Variants in IGF1R observed in about 807,000 individuals in gnomAD.
IGF1R encodes insulin-like growth factor 1 receptor.
IGF1R carries 44 observed loss-of-function variants against 144.6 expected under a neutral mutation model. The observed-to-expected ratio is 0.30, with a 90% CI of 0.24 to 0.39. IGF1R has a LOEUF of 0.39. IGF1R is among the 10% of genes least tolerant of loss of function. The pLI is 1.00. For missense variants in IGF1R, 1,355 were observed against 1,833.7 expected, an observed-to-expected ratio of 0.74 and a Z score of 4.77; for synonymous variants, 795 against 722.8, an observed-to-expected ratio of 1.10 and a Z score of -1.60.
chr15:98,895,238 AC>A (rs1443848772), intron 3 of IGF1R, among the ~76,000 whole-genome samples: 68 of 63,982 alleles, frequency 1.1e-3, no homozygotes, highest in African/African-American at 2.0e-3. Flanking sequence ...ACACACACAC[AC>A]ACACACACAC....
chr15:98,675,901 A>G (rs1364849091), intron 1 of IGF1R, among the ~76,000 whole-genome samples: 1 of 144,960 alleles, frequency 6.9e-6, no homozygotes, highest in Non-Finnish European at 1.5e-5. Context: ...TCTCTGTTCA[A>G]AGCAGCCTCC....
intron 2 of IGF1R, among the ~76,000 whole-genome samples, chr15:98,846,232 C>G (rs1359687007): frequency 6.6e-6 from 1 of 152,184 alleles, no homozygotes. Flanking sequence ...CCTACATAAG[C>G]TGACAATGCA....
chr15:98,691,139 CTT>C (rs1284074931), intron 1 of IGF1R, among the ~76,000 whole-genome samples: 3 of 152,060 alleles, frequency 2.0e-5, no homozygotes, highest in African/African-American at 7.2e-5. Context: ...AAACTCAAGA[CTT>C]TTTTTGGATT....
chr15:98,745,130 A>G (rs1322418025), intron 2 of IGF1R, among the ~76,000 whole-genome samples: 1 of 152,196 alleles, frequency 6.6e-6, no homozygotes, highest in Non-Finnish European at 1.5e-5. Flanking sequence ...AGTATTAGCT[A>G]ATATAGGGAG....
chr15:98,687,518 T>G (rs2053359764), intron 1 of IGF1R, among the ~76,000 whole-genome samples: 1 of 152,186 alleles, frequency 6.6e-6, no homozygotes, highest in Non-Finnish European at 1.5e-5. Flanking sequence ...GGAGGTTGGA[T>G]TTTTCTCTGG....
At position 98,797,388 on chromosome 15, in the gene IGF1R, C is replaced by T. The variant is rs138457455; in HGVS notation, c.640+89281C>T. Among the ~76,000 whole-genome samples, 16 of 152,296 alleles carry T rather than the reference C, an allele frequency of 1.1e-4. No individual in the cohort carries two copies. The East Asian group carries it at 2.7e-3, about 26-fold the overall frequency. ...CCGGGTGTTTGGACAGTGAGCATGG[C>T]GAGTGGACCGTTACCTGTGCATAGA... On this transcript the variant is annotated intron_variant, in intron 2 of 20. Transcript: ENST00000650285.
At position 98,916,450 on chromosome 15, in the gene IGF1R, C is replaced by T. The variant is rs562672192; in HGVS notation, c.1997-222C>T. 23 of 586,292 alleles carry T rather than the reference C, an allele frequency of 3.9e-5. No homozygotes were observed. In the Middle Eastern group the frequency reaches 2.3e-3, roughly 58 times the overall value. The allele number at this position is 586,292 out of a possible 1,614,324, so 36.3% of individuals were successfully genotyped here. A position where few individuals can be genotyped will look rare whatever the true frequency, so the allele number is the denominator to read the frequency against. On this transcript the variant is annotated intron_variant, in intron 9 of 20. Transcript: ENST00000650285. ...CTAATTTTTGTATTTTTAGTAGAGACGGGGTTTCACCATGTTGCCCAGGCT... is the reference window on the plus strand; with the variant it reads ...CTAATTTTTGTATTTTTAGTAGAGATGGGGTTTCACCATGTTGCCCAGGCT...
At chr15:98,900,501 A>G (rs145100626) in intron 5 of IGF1R, 1 of 152,394 alleles carries the variant, frequency 6.6e-6, no homozygotes, top group East Asian at 1.9e-4. Context: ...AAGTTACTGC[A>G]TAAGGGTTTC....
intron 2 of IGF1R, among the ~76,000 whole-genome samples, chr15:98,789,659 T>C (rs2056085302): frequency 1.3e-5 from 2 of 152,186 alleles, no homozygotes; most frequent in African/African-American, 4.8e-5. Context: ...AGCTTTTTCT[T>C]TGGAGGAGGG....
At chr15:98,845,852 A>T (rs967435842) in intron 2 of IGF1R, among the ~76,000 whole-genome samples, 1 of 152,146 alleles carries the variant, frequency 6.6e-6, no homozygotes, top group South Asian at 2.1e-4. Context: ...GATGCAGTGA[A>T]TCTTAAAGGT....
rs76072134 is a variant in IGF1R at position 98,740,535 on chromosome 15, G to C, written c.640+32428G>C. 5.4e-3 allele frequency among the ~76,000 whole-genome samples: 817 copies of C among 152,318 alleles called. 10 individuals are homozygous for C. The highest frequency in any genetic ancestry group is 0.019 in the African/African-American group (775 of 41,566). On this transcript the variant is annotated intron_variant, in intron 2 of 20. Coordinates refer to ENST00000650285, the MANE Select transcript of IGF1R (RefSeq NM_000875.5). Reference sequence around the variant, plus strand: ...AGTAAAAGCTGAAAAGGCTTTTGTGGTTAGTTACGTGTGATACAAGAAATC... The same window carrying C: ...AGTAAAAGCTGAAAAGGCTTTTGTGCTTAGTTACGTGTGATACAAGAAATC...
chr15:98,870,838 C>A (rs1244470087), intron 2 of IGF1R, among the ~76,000 whole-genome samples: 2 of 152,214 alleles, frequency 1.3e-5, no homozygotes, highest in Non-Finnish European at 2.9e-5. Context: ...GACATACTCC[C>A]TTCCGTTGCA....
chr15:98,881,502 T>C (rs1229352572), intron 2 of IGF1R, among the ~76,000 whole-genome samples: 1 of 152,178 alleles, frequency 6.6e-6, no homozygotes, highest in African/African-American at 2.4e-5. Context: ...TTTGTATTTT[T>C]AGTAGAGATC....
intron 2 of IGF1R, among the ~76,000 whole-genome samples, chr15:98,812,880 A>G (rs1309189051): frequency 6.6e-6 from 1 of 152,178 alleles, no homozygotes; most frequent in African/African-American, 2.4e-5. Context: ...CTGCCTTCAC[A>G]CGTGCTGTGA....
intron 1 of IGF1R, among the ~76,000 whole-genome samples, chr15:98,651,397 A>AT (rs1839470247): frequency 6.6e-6 from 1 of 152,348 alleles, no homozygotes; most frequent in East Asian, 1.9e-4. Context: ...CGATTGGGCG[A>AT]AAGCCTTCCG....
At chr15:98,655,756 T>A (rs1281495903) in intron 1 of IGF1R, among the ~76,000 whole-genome samples, 1 of 151,202 alleles carries the variant, frequency 6.6e-6, no homozygotes, top group Non-Finnish European at 1.5e-5. Flanking sequence ...GGGTCTCTGG[T>A]CACCTAGGCT....
At chr15:98,878,676 A>AAC (rs2013191629) in intron 2 of IGF1R, among the ~76,000 whole-genome samples, 1 of 92,282 alleles carries the variant, frequency 1.1e-5, no homozygotes, top group Non-Finnish European at 2.5e-5. Context: ...AAAAAAAAAA[A>AAC]AAAAAAAAAA....
chr15:98,716,179 G>A (rs1357853199), intron 2 of IGF1R, among the ~76,000 whole-genome samples: 1 of 152,050 alleles, frequency 6.6e-6, no homozygotes, highest in Non-Finnish European at 1.5e-5. Context: ...TTTGAACTCG[G>A]GGGGCTTGCA....
chr15:98,681,582 A>G (rs2053191112), intron 1 of IGF1R, among the ~76,000 whole-genome samples: 1 of 152,106 alleles, frequency 6.6e-6, no homozygotes, highest in Non-Finnish European at 1.5e-5. Flanking sequence ...GGCTGCAGGG[A>G]TGGAGGCAGC....
Sources: allele counts gnomAD v4.1 joint callset (sites outside exome capture counted in the v4.1 genomes callset), GRCh38; gene constraint gnomAD v4.1.1; transcripts MANE v1.5; gene names NCBI Gene and HGNC (gene_info 2026-07-23, HGNC 2026-07-21).